RETREG3: variants seen among roughly 807,000 people sequenced by gnomAD.
RETREG3 encodes reticulophagy regulator 3.
Under a neutral mutation model 50.2 loss-of-function variants are expected in RETREG3, and 23 were observed. The ratio of observed to expected loss-of-function variants is 0.46; its 90% CI spans 0.33 to 0.65. The LOEUF is 0.65. Ranked by LOEUF, RETREG3 falls within the 30% of genes least tolerant of loss-of-function variation. RETREG3 has a pLI of 0.02. For missense variants in RETREG3, 546 were observed against 598.0 expected (o/e 0.91, Z 0.91); for synonymous variants, 240 against 234.4 (o/e 1.02, Z -0.22).
intron 1 of RETREG3, among the ~76,000 whole-genome samples, chr17:42,604,133 A>G (rs1477815995): frequency 1.3e-5 from 2 of 151,786 alleles, no homozygotes; most frequent in Non-Finnish European, 2.9e-5. Context: ...ATCCTTAATC[A>G]CTTTTTTGGG....
At chr17:42,584,974 G>T in intron 6 of RETREG3, 151 bp downstream of exon 6, 1 of 946,934 alleles carries the variant, frequency 1.1e-6, no homozygotes, top group Non-Finnish European at 1.6e-6. Context: ...GGTTTCCCTA[G>T]AACAGAATAT....
chr17:42,604,694 C>CAAAAAA (rs1007735904), intron 1 of RETREG3, among the ~76,000 whole-genome samples: 5 of 44,512 alleles, frequency 1.1e-4, no homozygotes, highest in African/African-American at 1.7e-4. Flanking sequence ...GATTCCCCAG[C>CAAAAAA]AAAAAAAAAA....
chr17:42,607,571 G>A lies in RETREG3; in HGVS notation c.239+1515C>T, dbSNP rs141643146. ...TGTAATCCCAGCACTTTGGGAGGCC[G>A]AGGCAGGCAGATCACCTGACCTCGG... is the stretch of plus-strand genomic sequence containing the variant. On this transcript the variant is annotated intron_variant, in intron 1 of 8. Coordinates refer to ENST00000309428, the MANE Select transcript of RETREG3 (RefSeq NM_178126.4). Among the ~76,000 whole-genome samples the A allele has an allele frequency of 3.4e-5, 5 of 147,446 alleles. No homozygotes were observed. In the Admixed American group the frequency reaches 3.4e-4, roughly 10 times the overall value.
intron 2 of RETREG3, among the ~76,000 whole-genome samples, chr17:42,588,662 CTCTT>C (rs2093126170): frequency 6.6e-6 from 1 of 150,446 alleles, no homozygotes; most frequent in Non-Finnish European, 1.5e-5. Context: ...TCTGCCTGTT[CTCTT>C]TATTTTTTTG....
At chr17:42,602,295 C>A (rs1159926610) in intron 1 of RETREG3, among the ~76,000 whole-genome samples, 1 of 149,626 alleles carries the variant, frequency 6.7e-6, no homozygotes, top group Non-Finnish European at 1.5e-5. Flanking sequence ...CCAGTCTGGG[C>A]CACAGAGTAA....
At chr17:42,601,188 A>G (rs2093157656) in intron 1 of RETREG3, among the ~76,000 whole-genome samples, 1 of 151,954 alleles carries the variant, frequency 6.6e-6, no homozygotes, top group African/African-American at 2.4e-5. Context: ...GAGGCAGGAG[A>G]ACTGCTTGAA....
chr17:42,581,856 G>A lies in RETREG3; in HGVS notation c.1358C>T (p.Ser453Leu), dbSNP rs755968915. ...EGDDFELLDQ[S>L]ELSQLDPASS... ...GGCAGGGTCCAGCTGACTCAGCTCC[G>A]ACTGGTCCAGAAGTTCAAAGTCATC... The change falls in exon 9 of 9, where the codon TCG becomes TTG. Residue 453 changes from serine (S) to leucine (L), a missense_variant. By Grantham distance (145) the Ser-to-Leu change is moderately radical. Transcript: ENST00000309428. 18 of 1,608,474 alleles carry A rather than the reference G, an allele frequency of 1.1e-5. No homozygotes were observed. Among genetic ancestry groups the A allele is most frequent in the African/African-American group, 1.3e-5 (1 of 74,764 alleles).
intron 1 of RETREG3, among the ~76,000 whole-genome samples, chr17:42,597,543 T>A (rs1368793589): frequency 7.9e-6 from 1 of 127,222 alleles, no homozygotes; most frequent in Non-Finnish European, 1.6e-5. Context: ...ATATATATAT[T>A]TCGTATATAT....
At chr17:42,585,049 C>T in intron 6 of RETREG3, 76 bp downstream of exon 6, 1 of 1,565,360 alleles carries the variant, frequency 6.4e-7, no homozygotes, top group East Asian at 2.3e-5. Flanking sequence ...AGGACCCACC[C>T]AGTATGTCAG....
chr17:42,608,181 G>A (rs1041696292), intron 1 of RETREG3, among the ~76,000 whole-genome samples: 2 of 152,178 alleles, frequency 1.3e-5, no homozygotes, highest in African/African-American at 4.8e-5. Context: ...GCAGCAGAAA[G>A]CCCCCTATAA....
At chr17:42,584,327 C>T (rs1237788265) in intron 6 of RETREG3, among the ~76,000 whole-genome samples, 1 of 152,244 alleles carries the variant, frequency 6.6e-6, no homozygotes, top group African/African-American at 2.4e-5. Context: ...GTGCAGGGCT[C>T]TTTGAAGGCC....
chr17:42,584,520 C>G (rs992072422), intron 6 of RETREG3, among the ~76,000 whole-genome samples: 4 of 152,088 alleles, frequency 2.6e-5, no homozygotes, highest in Non-Finnish European at 4.4e-5. Flanking sequence ...TTGAAAGGAT[C>G]TGCTCTGGGC....
intron 1 of RETREG3, chr17:42,596,681 T>A (rs558462613): frequency 1.3e-5 from 2 of 152,116 alleles, no homozygotes; most frequent in Non-Finnish European, 2.9e-5. Flanking sequence ...ATCAATCTGA[T>A]GTTGATACTC....
rs966066365 is a variant in RETREG3 at position 42,581,669 on chromosome 17, A to C, written c.*144T>G. On this transcript the variant is annotated 3_prime_UTR_variant, in exon 9 of 9. Transcript: ENST00000309428. The stretch of plus-strand genomic sequence containing the variant: ...AGGGGAGTGAGTGTCCTCTCTAAGG[A>C]GGCCTCTGAGCATCAGCCAGGCCAC... 1.0e-5 allele frequency: 7 copies of C among 689,766 alleles called. No homozygotes were observed. Among genetic ancestry groups the C allele is most frequent in the Non-Finnish European group, 1.6e-5 (7 of 427,142 alleles). 42.7% of individuals were successfully genotyped at this position (689,766 alleles called of 1,614,324 possible).
intron 1 of RETREG3, among the ~76,000 whole-genome samples, chr17:42,592,897 G>C (rs1359401396): frequency 6.6e-6 from 1 of 152,146 alleles, no homozygotes; most frequent in Non-Finnish European, 1.5e-5. Flanking sequence ...TGAAGCACGA[G>C]AATTGCTAGA....
Position 42,582,744 on chromosome 17 carries a change from T to C in RETREG3, c.873A>G (p.Glu291=). 10 of 1,614,236 alleles carry C rather than the reference T, an allele frequency of 6.2e-6. No homozygotes were observed. The highest frequency in any genetic ancestry group is 8.5e-6 in the Non-Finnish European group (10 of 1,180,050). ...ATGTGCCATTGTCTGTACAGGAGAC[T>C]TCAGCGTCTGAGTGCTCAGAGTCTG... ...AITDSEHSDA[E]VSCTDNGTFN... is the part of the protein sequence containing the mutation. The change falls in exon 8 of 9, where the codon GAA becomes GAG. Residue 291 remains glutamate, a synonymous_variant. Coordinates refer to ENST00000309428, the MANE Select transcript of RETREG3 (RefSeq NM_178126.4).
intron 1 of RETREG3, among the ~76,000 whole-genome samples, chr17:42,597,612 TATATATA>T (rs1231383018): frequency 1.2e-3 from 37 of 32,128 alleles, no homozygotes; most frequent in African/African-American, 2.9e-3. Flanking sequence ...TATATATATA[TATATATA>T]TTTTTTTTTT....
At chr17:42,591,981 C>G (rs2093134170) in intron 2 of RETREG3, 75 bp downstream of exon 2, 1 of 1,298,094 alleles carries the variant, frequency 7.7e-7, no homozygotes, top group Non-Finnish European at 1.1e-6. Context: ...TCCTCATAAA[C>G]CCCTAATACT....
chr17:42,582,763 G>C lies in RETREG3; in HGVS notation c.854C>G (p.Ser285Cys). Residue 285 changes from serine (S) to cysteine (C), a missense_variant, in exon 8 of 9, where the codon TCT becomes TGT. Coordinates refer to ENST00000309428, the MANE Select transcript of RETREG3 (RefSeq NM_178126.4). Reference sequence around the variant, plus strand: ...GGAGACTTCAGCGTCTGAGTGCTCAGAGTCTGTGATGGCCAATTCCCTGGC... The same window carrying C: ...GGAGACTTCAGCGTCTGAGTGCTCACAGTCTGTGATGGCCAATTCCCTGGC... ...TVARELAITD[S>C]EHSDAEVSCT... The C allele has an allele frequency of 1.2e-6, 2 of 1,614,222 alleles. No individual in the cohort carries two copies. The highest frequency in any genetic ancestry group is 1.7e-6 in the Non-Finnish European group (2 of 1,180,040).
Sources: allele counts gnomAD v4.1 joint callset (sites outside exome capture counted in the v4.1 genomes callset), GRCh38; gene constraint gnomAD v4.1.1; transcripts MANE v1.5; gene names NCBI Gene and HGNC (gene_info 2026-07-23, HGNC 2026-07-21).